Variants in PLCL1 observed in about 807,000 individuals in gnomAD.
The protein encoded by PLCL1 is phospholipase C like 1 (inactive).
PLCL1 carries 41 observed loss-of-function variants against 84.4 expected under a neutral mutation model. The observed-to-expected ratio is 0.49, with a 90% CI of 0.38 to 0.63. The LOEUF (loss-of-function observed/expected upper bound fraction) is 0.63. PLCL1 is among the 30% of genes least tolerant of loss of function. The pLI, the probability that PLCL1 is intolerant of heterozygous loss-of-function variation, is 0.00. For synonymous variants in PLCL1, 490 were observed against 488.3 expected (o/e 1.00, Z -0.05); for missense variants, 1,206 against 1,367.8 (o/e 0.88, Z 1.87).
intron 1 of PLCL1, among the ~76,000 whole-genome samples, chr2:198,009,315 A>T (rs1206831707): frequency 1.3e-5 from 2 of 151,982 alleles, no homozygotes; most frequent in African/African-American, 2.4e-5. Flanking sequence ...TAACAGTTTT[A>T]AGTCTAATTT....
intron 1 of PLCL1, among the ~76,000 whole-genome samples, chr2:197,835,629 T>A (rs1574904672): frequency 1.3e-5 from 2 of 152,196 alleles, no homozygotes; most frequent in East Asian, 3.8e-4. Context: ...TCATATTTAG[T>A]TTGTAATCTG....
At chr2:198,058,429 T>C (rs551408448) in intron 1 of PLCL1, among the ~76,000 whole-genome samples, 3 of 152,122 alleles carry the variant, frequency 2.0e-5, no homozygotes, top group Admixed American at 6.5e-5. Context: ...ATCAAAATAA[T>C]ATTAAATTAT....
intron 5 of PLCL1, among the ~76,000 whole-genome samples, chr2:198,107,814 G>A (rs771185787): frequency 6.6e-6 from 1 of 151,822 alleles, no homozygotes; most frequent in African/African-American, 2.4e-5. Flanking sequence ...CTAGCTGCTG[G>A]TATTTCAGCT....
intron 5 of PLCL1, among the ~76,000 whole-genome samples, chr2:198,144,618 G>T (rs933616686): frequency 4.7e-4 from 72 of 152,140 alleles, no homozygotes; most frequent in Admixed American, 4.7e-3. Flanking sequence ...TGTAAGGAAG[G>T]CTGAAGGATA....
chr2:197,935,240 A>G (rs1465792785), intron 1 of PLCL1, among the ~76,000 whole-genome samples: 1 of 152,240 alleles, frequency 6.6e-6, no homozygotes, highest in East Asian at 1.9e-4. Flanking sequence ...TTTCTCAAAG[A>G]ATTTAAAACA....
chr2:197,945,664 G>A (rs927614619), intron 1 of PLCL1, among the ~76,000 whole-genome samples: 1 of 152,130 alleles, frequency 6.6e-6, no homozygotes, highest in African/African-American at 2.4e-5. Flanking sequence ...TGCCTCAGTA[G>A]TCTCATCTTT....
At chr2:197,852,762 C>G (rs1574913297) in intron 1 of PLCL1, among the ~76,000 whole-genome samples, 2 of 152,054 alleles carry the variant, frequency 1.3e-5, no homozygotes, top group African/African-American at 4.8e-5. Flanking sequence ...CTAGTCACTC[C>G]TTTTAGAAAA....
rs201865515 is a variant in PLCL1 at position 198,071,548 on chromosome 2, C to CAT, written c.241-12200_241-12199dup. Among the ~76,000 whole-genome samples, 821 of 151,600 alleles carry CAT rather than the reference C, an allele frequency of 5.4e-3. 7 individuals are homozygous for CAT. Among genetic ancestry groups the CAT allele is most frequent in the African/African-American group, 0.017 (710 of 41,456 alleles). On this transcript the variant is annotated intron_variant, in intron 1 of 5. Transcript: ENST00000428675. ...TTTTATTTGTCTATACCTTTGTAAA[C>CAT]ATATATATATACATAATGTATAATT...
At chr2:198,050,449 A>G (rs1442095402) in intron 1 of PLCL1, among the ~76,000 whole-genome samples, 2 of 152,114 alleles carry the variant, frequency 1.3e-5, no homozygotes, top group African/African-American at 4.8e-5. Context: ...GGAAAAAGGG[A>G]AAAGACAAAG....
intron 1 of PLCL1, among the ~76,000 whole-genome samples, chr2:197,972,512 G>A (rs566462430): frequency 6.6e-6 from 1 of 152,232 alleles, no homozygotes; most frequent in South Asian, 2.1e-4. Context: ...TCCTGAGTGT[G>A]GGTAAAGTAA....
At chr2:198,101,434 T>C (rs936652241) in intron 4 of PLCL1, 74 bp downstream of exon 4, 2 of 832,718 alleles carry the variant, frequency 2.4e-6, no homozygotes, top group African/African-American at 1.8e-5. Flanking sequence ...CTTGGTAGAT[T>C]TTTTTTTCAG....
intron 5 of PLCL1, among the ~76,000 whole-genome samples, chr2:198,121,027 G>A (rs1030201128): frequency 6.6e-6 from 1 of 152,022 alleles, no homozygotes; most frequent in African/African-American, 2.4e-5. Flanking sequence ...GGGGTGAGAT[G>A]ATATCTCATT....
Position 197,931,787 on chromosome 2 carries a change from C to T in PLCL1, c.240+126448C>T, listed in dbSNP as rs1203076389. Reference sequence around the variant, plus strand: ...TCCCAGTTTTAAATTCAGTGGGAAGCATAAAGGACTATGATAAAATTATTT... The same window carrying T: ...TCCCAGTTTTAAATTCAGTGGGAAGTATAAAGGACTATGATAAAATTATTT... On this transcript the variant is annotated intron_variant, in intron 1 of 5. Transcript: ENST00000428675. Among the ~76,000 whole-genome samples, 4 of 150,106 alleles carry T rather than the reference C, an allele frequency of 2.7e-5. No individual in the cohort carries two copies. In the Admixed American group the frequency reaches 2.7e-4, roughly 10 times the overall value.
chr2:198,131,763 A>AATGGTGTG (rs1179942525), intron 5 of PLCL1, among the ~76,000 whole-genome samples: 1 of 152,134 alleles, frequency 6.6e-6, no homozygotes, highest in Non-Finnish European at 1.5e-5. Context: ...CAAGCAATCA[A>AATGGTGTG]ATGGTGTGGT....
chr2:197,935,806 A>G (rs931605079), intron 1 of PLCL1, among the ~76,000 whole-genome samples: 6 of 152,162 alleles, frequency 3.9e-5, no homozygotes, highest in African/African-American at 1.4e-4. Flanking sequence ...GCTATACCAT[A>G]TGTTATTACA....
At chr2:198,030,798 A>G (rs1024985413) in intron 1 of PLCL1, among the ~76,000 whole-genome samples, 1 of 152,168 alleles carries the variant, frequency 6.6e-6, no homozygotes, top group African/African-American at 2.4e-5. Context: ...TCTCACTGAC[A>G]TGTTTTCTAC....
chr2:197,822,746 A>G (rs1690843954), intron 1 of PLCL1, among the ~76,000 whole-genome samples: 1 of 152,156 alleles, frequency 6.6e-6, no homozygotes, highest in Non-Finnish European at 1.5e-5. Flanking sequence ...ACTGGTTGCT[A>G]TGCCAGATGC....
intron 1 of PLCL1, among the ~76,000 whole-genome samples, chr2:198,043,778 G>GT (rs1403726387): frequency 3.3e-5 from 5 of 151,924 alleles, no homozygotes; most frequent in African/African-American, 4.8e-5. Context: ...CTTGAGCAGA[G>GT]TAAGTCCAAA....
chr2:197,911,153 G>A (rs1688477068), intron 1 of PLCL1, among the ~76,000 whole-genome samples: 1 of 151,970 alleles, frequency 6.6e-6, no homozygotes, highest in Non-Finnish European at 1.5e-5. Context: ...GACCAGCCTG[G>A]GCAACATGGG....
Sources: allele counts gnomAD v4.1 joint callset (sites outside exome capture counted in the v4.1 genomes callset), GRCh38; gene constraint gnomAD v4.1.1; transcripts MANE v1.5; gene names NCBI Gene and HGNC (gene_info 2026-07-23, HGNC 2026-07-21).